The following GRM1 variants were observed in gnomAD, a reference collection of about 807,000 sequenced individuals.
The protein encoded by GRM1 is glutamate metabotropic receptor 1.
A neutral mutation model predicts 90.9 loss-of-function variants in GRM1; 33 were observed. The observed-to-expected ratio is 0.36, with a 90% CI of 0.28 to 0.49. The LOEUF (loss-of-function observed/expected upper bound fraction) is 0.49. Among genes scored for constraint, GRM1 ranks in the 20% least tolerant of loss-of-function variants. GRM1 has a pLI of 0.99. For synonymous variants in GRM1, 700 were observed against 613.2 expected (o/e 1.14, Z -2.09); for missense variants, 1,190 against 1,534.3 (o/e 0.78, Z 3.75).
intron 7 of GRM1, among the ~76,000 whole-genome samples, chr6:146,402,435 A>G (rs2300621): frequency 0.15 from 22,823 of 152,010 alleles, 3,552 homozygotes; most frequent in African/African-American, 0.38. Flanking sequence ...GCCATTTTAT[A>G]TTTTCTTAGT....
At chr6:146,146,458 A>G (rs1323780385) in intron 1 of GRM1, among the ~76,000 whole-genome samples, 2 of 151,828 alleles carry the variant, frequency 1.3e-5, no homozygotes, top group Non-Finnish European at 2.9e-5. Flanking sequence ...TAGACTTTGG[A>G]CTTTTGTGTT....
chr6:146,119,211 A>G (rs1406912896), intron 1 of GRM1, among the ~76,000 whole-genome samples: 1 of 151,982 alleles, frequency 6.6e-6, no homozygotes, highest in Non-Finnish European at 1.5e-5. Context: ...GCATTTTTTC[A>G]TTTGTCTATT....
At chr6:146,314,373 G>A (rs1783890882) in intron 3 of GRM1, among the ~76,000 whole-genome samples, 1 of 152,052 alleles carries the variant, frequency 6.6e-6, no homozygotes, top group Non-Finnish European at 1.5e-5. Context: ...ATTAATTGAA[G>A]AGTAGTGCTC....
chr6:146,378,837 C>T lies in GRM1; in HGVS notation c.1603-8053C>T, dbSNP rs183578059. Among the ~76,000 whole-genome samples the T allele has an allele frequency of 5.8e-3, 889 of 152,110 alleles. 8 individuals are homozygous for T. The highest frequency in any genetic ancestry group is 0.034 in the Middle Eastern group (10 of 294). On this transcript the variant is annotated intron_variant, in intron 5 of 7. Transcript: ENST00000282753. Reference sequence around the variant, plus strand: ...CAGGGAGGTAATTGAATCATGAGGTCCAGTCTTTCCTGTGCTGTTCTTGTG... The same window carrying T: ...CAGGGAGGTAATTGAATCATGAGGTTCAGTCTTTCCTGTGCTGTTCTTGTG...
intron 3 of GRM1, among the ~76,000 whole-genome samples, chr6:146,317,854 G>T (rs766446629): frequency 6.6e-6 from 1 of 152,160 alleles, no homozygotes; most frequent in Non-Finnish European, 1.5e-5. Context: ...GTTATTAATG[G>T]AGAGAGGAAA....
At position 146,304,734 on chromosome 6, in the gene GRM1, G is replaced by A; in HGVS notation, c.1074G>A (p.Arg358=). Residue 358 remains arginine (R), a synonymous_variant, in exon 3 of 8, where the codon AGG becomes AGA. Transcript: ENST00000282753. ...TTGATGATTATTTCCTGAAACTGAG[G>A]CTGGACACTAACACGAGGAATCCCT... ...RSFDDYFLKL[R]LDTNTRNPWF... is the part of the protein sequence containing the mutation. 2 of 1,613,952 alleles carry A rather than the reference G, an allele frequency of 1.2e-6. No homozygotes were observed. The highest frequency in any genetic ancestry group is 1.7e-6 in the Non-Finnish European group (2 of 1,179,910).
chr6:146,398,648 G>A (rs778986258), intron 6 of GRM1, 121 bp from the exon 7 acceptor site: 6 of 795,706 alleles, frequency 7.5e-6, no homozygotes, highest in Admixed American at 3.5e-5. Flanking sequence ...TTTTAAAAAA[G>A]CATTAAATGC....
At chr6:146,187,835 A>C (rs1778791721) in intron 2 of GRM1, among the ~76,000 whole-genome samples, 1 of 152,012 alleles carries the variant, frequency 6.6e-6, no homozygotes, top group Admixed American at 6.6e-5. Flanking sequence ...AAATGAATAG[A>C]TGAGGTTTTG....
intron 2 of GRM1, among the ~76,000 whole-genome samples, chr6:146,217,493 C>A (rs898835267): frequency 3.9e-5 from 6 of 152,174 alleles, no homozygotes; most frequent in Admixed American, 3.9e-4. Context: ...CAACTAATAA[C>A]AACACAGCCT....
At chr6:146,198,869 G>A (rs949975527) in intron 2 of GRM1, among the ~76,000 whole-genome samples, 1 of 152,136 alleles carries the variant, frequency 6.6e-6, no homozygotes, top group African/African-American at 2.4e-5. Context: ...TCTGAAAATT[G>A]GCTTAAGTCT....
chr6:146,080,549 AAG>A (rs1231846691), intron 1 of GRM1, among the ~76,000 whole-genome samples: 1 of 152,096 alleles, frequency 6.6e-6, no homozygotes, highest in Non-Finnish European at 1.5e-5. Flanking sequence ...AGAAGAGTAA[AAG>A]ATGTTGAGGG....
At chr6:146,039,520 G>T (rs1791019401) in intron 1 of GRM1, among the ~76,000 whole-genome samples, 1 of 151,926 alleles carries the variant, frequency 6.6e-6, no homozygotes, top group Admixed American at 6.6e-5. Context: ...AGCCAGTGAA[G>T]AATTTTATGC....
At chr6:146,322,570 C>CTTTCT (rs1479978459) in intron 3 of GRM1, among the ~76,000 whole-genome samples, 28 of 109,994 alleles carry the variant, frequency 2.5e-4, no homozygotes, top group South Asian at 1.8e-3. Context: ...GGGCTGCTGC[C>CTTTCT]TTTCTTTTAT....
chr6:146,403,780 T>C (rs1237210138), intron 7 of GRM1, among the ~76,000 whole-genome samples: 1 of 152,274 alleles, frequency 6.6e-6, no homozygotes, highest in East Asian at 1.9e-4. Context: ...TTATTTTTGA[T>C]ACAGTTCTCA....
intron 2 of GRM1, among the ~76,000 whole-genome samples, chr6:146,237,671 A>G (rs547676181): frequency 6.6e-6 from 1 of 152,248 alleles, no homozygotes; most frequent in East Asian, 1.9e-4. Flanking sequence ...GAAATCAATG[A>G]TACAGACATT....
At chr6:146,298,253 C>A (rs1783255104) in intron 2 of GRM1, among the ~76,000 whole-genome samples, 1 of 152,138 alleles carries the variant, frequency 6.6e-6, no homozygotes, top group Non-Finnish European at 1.5e-5. Flanking sequence ...ATCTATGGTC[C>A]TTATTAAGGA....
chr6:146,091,638 G>C (rs767978581), intron 1 of GRM1, among the ~76,000 whole-genome samples: 1 of 152,018 alleles, frequency 6.6e-6, no homozygotes, highest in Non-Finnish European at 1.5e-5. Flanking sequence ...TTTGAGTAAG[G>C]AAATCATTTT....
chr6:146,054,809 A>C (rs1367674976), intron 1 of GRM1, among the ~76,000 whole-genome samples: 2 of 152,144 alleles, frequency 1.3e-5, no homozygotes, highest in East Asian at 3.9e-4. Context: ...ATATGTGTGT[A>C]TAATTTTTCC....
rs866334212 is a variant in GRM1 at position 146,349,249 on chromosome 6, T to A, written c.1187-3001T>A. On this transcript the variant is annotated intron_variant, in intron 3 of 7. Transcript: ENST00000282753. The stretch of plus-strand genomic sequence containing the variant: ...GCCCGGCTATTTTTTTTTTTTTATT[T>A]TTTTTTTATTTTTAGTAGATACGGG... 9.4e-4 allele frequency among the ~76,000 whole-genome samples: 141 copies of A among 150,224 alleles called. 1 individual carries two copies. The highest frequency in any genetic ancestry group is 2.6e-3 in the African/African-American group (107 of 41,010).
Sources: allele counts gnomAD v4.1 joint callset (sites outside exome capture counted in the v4.1 genomes callset), GRCh38; gene constraint gnomAD v4.1.1; transcripts MANE v1.5; gene names NCBI Gene and HGNC (gene_info 2026-07-23, HGNC 2026-07-21).